The following PLXDC2 variants were observed in gnomAD, a reference collection of about 807,000 sequenced individuals.
PLXDC2 encodes the protein plexin domain-containing protein 2.
A neutral mutation model predicts 68.9 loss-of-function variants in PLXDC2; 40 were observed. That is an observed-to-expected ratio of 0.58 (90% confidence interval 0.45 to 0.76). PLXDC2 has a LOEUF of 0.76. PLXDC2 is among the 30% of genes least tolerant of loss of function. The pLI, the probability that PLXDC2 is intolerant of heterozygous loss-of-function variation, is 0.00. For synonymous variants in PLXDC2, 243 were observed against 234.2 expected, an observed-to-expected ratio of 1.04 and a Z score of -0.34; for missense variants, 644 against 661.9, an observed-to-expected ratio of 0.97 and a Z score of 0.30.
intron 7 of PLXDC2, among the ~76,000 whole-genome samples, chr10:20,170,465 C>G (rs1834432745): frequency 6.6e-6 from 1 of 152,232 alleles, no homozygotes; most frequent in African/African-American, 2.4e-5. Context: ...GTTAGGATTA[C>G]TGGTGTGAGC....
At chr10:20,169,399 C>T (rs558311167) in intron 7 of PLXDC2, among the ~76,000 whole-genome samples, 78 of 152,128 alleles carry the variant, frequency 5.1e-4, no homozygotes, top group African/African-American at 1.6e-3. Context: ...GTTTTAACAC[C>T]GTCATATATT....
At chr10:19,837,377 T>G (rs11011642) in intron 1 of PLXDC2, among the ~76,000 whole-genome samples, 1,404 of 132,988 alleles carry the variant, frequency 0.011, 27 homozygotes, top group African/African-American at 0.034. Context: ...GTTTTCTCAT[T>G]GAGTAAGTGA....
chr10:19,966,835 C>T (rs1170053886), intron 1 of PLXDC2, among the ~76,000 whole-genome samples: 1 of 152,036 alleles, frequency 6.6e-6, no homozygotes, highest in Non-Finnish European at 1.5e-5. Context: ...GCATGCTTCC[C>T]TCACATATCC....
At chr10:20,089,754 T>C (rs555785019) in intron 4 of PLXDC2, among the ~76,000 whole-genome samples, 18 of 152,278 alleles carry the variant, frequency 1.2e-4, no homozygotes, top group Non-Finnish European at 2.2e-4. Flanking sequence ...GAATAGTGCA[T>C]TGACAAAACT....
intron 4 of PLXDC2, among the ~76,000 whole-genome samples, chr10:20,141,433 C>T (rs577643323): frequency 6.6e-6 from 1 of 152,010 alleles, no homozygotes; most frequent in Non-Finnish European, 1.5e-5. Flanking sequence ...AATTATCTTC[C>T]TTCCTTGAAT....
At chr10:19,998,083 G>A (rs772001874) in intron 1 of PLXDC2, among the ~76,000 whole-genome samples, 12 of 152,102 alleles carry the variant, frequency 7.9e-5, no homozygotes, top group Non-Finnish European at 1.3e-4. Flanking sequence ...ACAGTAGACC[G>A]AAAGCAAACA....
At chr10:20,253,778 G>C (rs959172967) in intron 13 of PLXDC2, among the ~76,000 whole-genome samples, 3 of 152,000 alleles carry the variant, frequency 2.0e-5, no homozygotes, top group African/African-American at 7.3e-5. Context: ...CTTTAATACA[G>C]ACACATGTTT....
At chr10:19,977,149 G>A (rs1041301346) in intron 1 of PLXDC2, among the ~76,000 whole-genome samples, 8 of 152,208 alleles carry the variant, frequency 5.3e-5, no homozygotes, top group East Asian at 3.9e-4. Flanking sequence ...CTGTTTGCTC[G>A]TATTGTGAAA....
chr10:19,850,995 T>C (rs948934713), intron 1 of PLXDC2, among the ~76,000 whole-genome samples: 2 of 152,156 alleles, frequency 1.3e-5, no homozygotes, highest in African/African-American at 4.8e-5. Context: ...ATTTAAGGAA[T>C]CACAAGACCT....
intron 10 of PLXDC2, 131 bp from the exon 11 acceptor site, chr10:20,217,295 G>A (rs1298983975): frequency 7.8e-6 from 6 of 765,436 alleles, no homozygotes; most frequent in Non-Finnish European, 9.7e-6. Flanking sequence ...ATATAGTCTT[G>A]TACAAAAGTA....
At chr10:20,033,932 A>T (rs1835539841) in intron 2 of PLXDC2, among the ~76,000 whole-genome samples, 2 of 152,228 alleles carry the variant, frequency 1.3e-5, no homozygotes, top group South Asian at 4.1e-4. Context: ...TAAACTTTGA[A>T]GGTGAGACAA....
intron 4 of PLXDC2, among the ~76,000 whole-genome samples, chr10:20,132,419 G>A (rs1354232082): frequency 6.6e-6 from 1 of 152,116 alleles, no homozygotes; most frequent in Non-Finnish European, 1.5e-5. Flanking sequence ...TTGTCTGGAT[G>A]ACCTATCCAC....
At chr10:20,186,841 C>T (rs1042708416) in intron 9 of PLXDC2, among the ~76,000 whole-genome samples, 3 of 151,742 alleles carry the variant, frequency 2.0e-5, no homozygotes, top group African/African-American at 2.4e-5. Context: ...ATTGATTTCA[C>T]GTCTTTGCTA....
chr10:19,864,158 T>G (rs942513186), intron 1 of PLXDC2, among the ~76,000 whole-genome samples: 4 of 152,042 alleles, frequency 2.6e-5, no homozygotes, highest in African/African-American at 7.2e-5. Flanking sequence ...GTGCACCACA[T>G]GTAGTTAATT....
At chr10:19,963,976 T>C (rs1834204199) in intron 1 of PLXDC2, among the ~76,000 whole-genome samples, 5 of 152,154 alleles carry the variant, frequency 3.3e-5, no homozygotes, top group Admixed American at 3.3e-4. Flanking sequence ...CTAAAATGTG[T>C]AAGTGCAATA....
intron 4 of PLXDC2, among the ~76,000 whole-genome samples, chr10:20,098,752 G>A (rs894986026): frequency 1.3e-5 from 2 of 152,040 alleles, no homozygotes; most frequent in Admixed American, 6.6e-5. Flanking sequence ...TCTACACTCC[G>A]TGCAGCCCTG....
chr10:19,990,702 G>C (rs1317202693), intron 1 of PLXDC2, among the ~76,000 whole-genome samples: 2 of 151,962 alleles, frequency 1.3e-5, no homozygotes, highest in East Asian at 3.9e-4. Context: ...TTTGTTGATT[G>C]TGGATTATTT....
intron 1 of PLXDC2, among the ~76,000 whole-genome samples, chr10:19,834,655 G>A (rs1035340445): frequency 3.3e-5 from 5 of 152,190 alleles, no homozygotes; most frequent in African/African-American, 4.8e-5. Context: ...TAATTGTTTC[G>A]AAAGGACTGA....
chr10:20,056,253 G>T (rs80354982), intron 3 of PLXDC2, among the ~76,000 whole-genome samples: 1 of 152,114 alleles, frequency 6.6e-6, no homozygotes, highest in African/African-American at 2.4e-5. Context: ...TACCAAACTA[G>T]AGGTTAATCC....
Sources: allele counts gnomAD v4.1 joint callset (sites outside exome capture counted in the v4.1 genomes callset), GRCh38; gene constraint gnomAD v4.1.1; transcripts MANE v1.5; gene names NCBI Gene and HGNC (gene_info 2026-07-23, HGNC 2026-07-21).